DSCAM: variants seen among roughly 807,000 people sequenced by gnomAD.
The protein encoded by DSCAM is DS cell adhesion molecule, also known as cell adhesion molecule DSCAM.
A neutral mutation model predicts 217.7 loss-of-function variants in DSCAM; 47 were observed. The observed-to-expected ratio is 0.22, with a 90% CI of 0.17 to 0.28. DSCAM has a LOEUF of 0.28. Among genes scored for constraint, DSCAM ranks in the 10% least tolerant of loss-of-function variants. DSCAM has a pLI of 1.00. For missense variants in DSCAM, 2,080 were observed against 2,618.3 expected (o/e 0.79, Z 4.49); for synonymous variants, 1,056 against 1,015.3 (o/e 1.04, Z -0.76).
At chr21:40,185,357 T>G (rs1406096726) in intron 14 of DSCAM, among the ~76,000 whole-genome samples, 1 of 152,146 alleles carries the variant, frequency 6.6e-6, no homozygotes, top group African/African-American at 2.4e-5. Context: ...ACAGGTGAGA[T>G]GCGCAAGCGA....
chr21:40,215,919 A>G (rs2091238563), intron 11 of DSCAM, among the ~76,000 whole-genome samples: 1 of 150,202 alleles, frequency 6.7e-6, no homozygotes, highest in Non-Finnish European at 1.5e-5. Context: ...AAAAGGTGAA[A>G]CTGCTCCTTT....
rs1285827399 is a variant in DSCAM, at chr21:40,693,065, A to G, written c.362-109T>C. ...AGCACACACACATCAATTGCATAACATATCTTTCTGGAAAACAGTTAAGAT... is the reference window on the plus strand; with the variant it reads ...AGCACACACACATCAATTGCATAACGTATCTTTCTGGAAAACAGTTAAGAT... On this transcript the variant is annotated intron_variant, in intron 2 of 32. Coordinates refer to ENST00000400454, the MANE Select transcript of DSCAM (RefSeq NM_001389.5). 1.6e-5 allele frequency: 20 copies of G among 1,266,968 alleles called. No homozygotes were observed. The South Asian group carries it at 2.4e-4, about 15-fold the overall frequency. The allele number at this position is 1,266,968 out of a possible 1,614,324, so 78.5% of individuals were successfully genotyped here.
intron 11 of DSCAM, among the ~76,000 whole-genome samples, chr21:40,199,394 A>G (rs146792067): frequency 0.013 from 2,004 of 152,252 alleles, 49 homozygotes; most frequent in African/African-American, 0.046. Context: ...TATCCAGTCT[A>G]TCATTAATGG....
chr21:40,227,631 T>G (rs1254844333), intron 11 of DSCAM, among the ~76,000 whole-genome samples: 8 of 152,192 alleles, frequency 5.3e-5, no homozygotes, highest in African/African-American at 1.9e-4. Context: ...ACTGCTACCC[T>G]TACTGGTACA....
chr21:40,557,590 T>G (rs113866138), intron 3 of DSCAM, among the ~76,000 whole-genome samples: 1 of 152,098 alleles, frequency 6.6e-6, no homozygotes, highest in Non-Finnish European at 1.5e-5. Context: ...CCACCTCGTC[T>G]TCCCAAAGTG....
chr21:40,735,754 G>T (rs914487532), intron 1 of DSCAM, among the ~76,000 whole-genome samples: 33 of 152,304 alleles, frequency 2.2e-4, no homozygotes, highest in African/African-American at 7.7e-4. Context: ...CAAATCTGTT[G>T]CATTCTGCAC....
chr21:40,512,632 T>C (rs1375620678), intron 3 of DSCAM, among the ~76,000 whole-genome samples: 1 of 152,172 alleles, frequency 6.6e-6, no homozygotes, highest in Non-Finnish European at 1.5e-5. Flanking sequence ...GATTAATCAA[T>C]GATAGAAACT....
intron 32 of DSCAM, among the ~76,000 whole-genome samples, chr21:40,035,823 C>T (rs1445656352): frequency 6.9e-6 from 1 of 144,788 alleles, no homozygotes; most frequent in African/African-American, 2.7e-5. Context: ...ATCTCTCAGA[C>T]CACAGTGCAA....
intron 9 of DSCAM, among the ~76,000 whole-genome samples, chr21:40,298,084 C>CTTTTTTTT (rs59908038): frequency 7.5e-5 from 10 of 132,670 alleles, no homozygotes; most frequent in African/African-American, 2.6e-4. Context: ...TTAGCTTTTA[C>CTTTTTTTT]TTTTTTTTTT....
Position 40,353,654 on chromosome 21 carries a change from G to A in DSCAM, c.745C>T (p.Leu249Phe). 1 of 1,611,732 alleles carries A rather than the reference G, an allele frequency of 6.2e-7. No homozygotes were observed. Among genetic ancestry groups the A allele is most frequent in the Middle Eastern group, 1.7e-4 (1 of 6,040 alleles). Residue 249 changes from leucine to phenylalanine, a missense_variant, in exon 5 of 33, where the codon CTC (leucine) becomes TTC (phenylalanine). Around this residue, in one of 5 missense-constraint regions of DSCAM, gnomAD observed 568 missense variants for 678.1 expected, o/e 0.84. Transcript: ENST00000400454. ...GQRVELPCKA[L>F]GHPEPDYRWL... ...CGGTAATCTGGCTCAGGGTGCCCGA[G>A]CGCTTTGCAAGGCAGCTCCACACGC...
At chr21:40,578,238 C>T (rs1280832435) in intron 3 of DSCAM, among the ~76,000 whole-genome samples, 1 of 152,072 alleles carries the variant, frequency 6.6e-6, no homozygotes, top group Non-Finnish European at 1.5e-5. Context: ...TCTTACACAC[C>T]TTCAGAAAGG....
At chr21:40,037,175 G>A (rs2146462303) in intron 32 of DSCAM, among the ~76,000 whole-genome samples, 1 of 149,160 alleles carries the variant, frequency 6.7e-6, no homozygotes, top group South Asian at 2.1e-4. Context: ...GGGCAATTAG[G>A]CAGGAGAAGG....
chr21:40,137,594 TACACACACACACACACACACACACACAC>T (rs3988428), intron 18 of DSCAM, among the ~76,000 whole-genome samples: 7 of 134,930 alleles, frequency 5.2e-5, no homozygotes, highest in South Asian at 4.7e-4. Context: ...GGCTGTTTAA[TACACACACACACACACACACACACACAC>T]ACACACACAC....
chr21:40,527,808 C>G lies in DSCAM; in HGVS notation c.509-158563G>C, dbSNP rs143485903. ...TGGTGCAAAGGAAACATGAAGCTCA[C>G]CCTTGCCTCTGGAGGAAGAACCGTG... is the stretch of plus-strand genomic sequence containing the variant. On this transcript the variant is annotated intron_variant, in intron 3 of 32. Coordinates refer to ENST00000400454, the MANE Select transcript of DSCAM (RefSeq NM_001389.5). Among the ~76,000 whole-genome samples, 28 of 152,316 alleles carry G rather than the reference C, an allele frequency of 1.8e-4. No homozygotes were observed. In the East Asian group the frequency reaches 5.0e-3, roughly 27 times the overall value.
chr21:40,799,642 T>C (rs892256879), intron 1 of DSCAM, among the ~76,000 whole-genome samples: 3 of 152,224 alleles, frequency 2.0e-5, no homozygotes, highest in Admixed American at 6.5e-5. Context: ...CCTCATAAAG[T>C]CTTTTTCAGC....
intron 3 of DSCAM, among the ~76,000 whole-genome samples, chr21:40,394,645 G>A (rs752278799): frequency 1.4e-4 from 21 of 152,212 alleles, no homozygotes; most frequent in Non-Finnish European, 1.6e-4. Flanking sequence ...CTGCACAGAA[G>A]TATTTACAGA....
chr21:40,627,808 A>G (rs1276746152), intron 3 of DSCAM, among the ~76,000 whole-genome samples: 1 of 152,186 alleles, frequency 6.6e-6, no homozygotes, highest in African/African-American at 2.4e-5. Context: ...AAATCGAACC[A>G]TTATTTGGAT....
At chr21:40,479,707 C>G (rs376832905) in intron 3 of DSCAM, among the ~76,000 whole-genome samples, 2 of 152,062 alleles carry the variant, frequency 1.3e-5, no homozygotes, top group African/African-American at 2.4e-5. Flanking sequence ...TCTCACAACA[C>G]GAGGGGATTA....
At chr21:40,594,379 G>C (rs1288609863) in intron 3 of DSCAM, among the ~76,000 whole-genome samples, 1 of 152,140 alleles carries the variant, frequency 6.6e-6, no homozygotes, top group East Asian at 1.9e-4. Flanking sequence ...AGGAACCTGG[G>C]TTTAAAGAGG....
Sources: gnomAD v4.1 joint callset for allele counts (sites outside exome capture counted in the v4.1 genomes callset) on GRCh38, gnomAD v4.1.1 for gene constraint, gnomAD v4.1.1 regional missense constraint, MANE v1.5 for transcripts, NCBI Gene and HGNC (gene_info 2026-07-23, HGNC 2026-07-21) for gene names.